DPY19L1: variants seen among roughly 807,000 people sequenced by gnomAD.
DPY19L1 encodes protein C-mannosyl-transferase DPY19L1.
Under a neutral mutation model 96.9 loss-of-function variants are expected in DPY19L1, and 35 were observed. The ratio of observed to expected loss-of-function variants is 0.36; its 90% CI spans 0.28 to 0.48. DPY19L1 has a LOEUF of 0.48. Ranked by LOEUF, DPY19L1 falls within the 20% of genes least tolerant of loss-of-function variation. The pLI is 0.99. For synonymous variants in DPY19L1, 205 were observed against 252.6 expected, an observed-to-expected ratio of 0.81 and a Z score of 1.79; for missense variants, 521 against 777.9, an observed-to-expected ratio of 0.67 and a Z score of 3.93.
At chr7:34,997,850 T>C (rs1217748931) in intron 6 of DPY19L1, among the ~76,000 whole-genome samples, 1 of 152,128 alleles carries the variant, frequency 6.6e-6, no homozygotes, top group African/African-American at 2.4e-5. Flanking sequence ...GGAAAACTAA[T>C]ACAAAACACT....
At chr7:34,984,787 C>CCTAT (rs1403669770) in intron 7 of DPY19L1, among the ~76,000 whole-genome samples, 6 of 150,854 alleles carry the variant, frequency 4.0e-5, no homozygotes, top group African/African-American at 1.5e-4. Flanking sequence ...CCAAATAGAC[C>CCTAT]CTATAATGAC....
chr7:34,965,749 A>G (rs2128666756), intron 10 of DPY19L1, among the ~76,000 whole-genome samples: 1 of 152,336 alleles, frequency 6.6e-6, no homozygotes, highest in South Asian at 2.1e-4. Flanking sequence ...TCAAAATTAT[A>G]AAAACTAATG....
intron 1 of DPY19L1, among the ~76,000 whole-genome samples, chr7:35,034,433 T>C (rs929173653): frequency 6.6e-6 from 1 of 152,256 alleles, no homozygotes; most frequent in Non-Finnish European, 1.5e-5. Flanking sequence ...GTTCTTACTA[T>C]GTCACAGCCA....
chr7:34,972,350 G>A (rs1395833886), intron 8 of DPY19L1, among the ~76,000 whole-genome samples: 1 of 152,152 alleles, frequency 6.6e-6, no homozygotes, highest in Non-Finnish European at 1.5e-5. Flanking sequence ...TGGTACAGAT[G>A]GACTAAAGGA....
chr7:34,949,988 C>T, intron 13 of DPY19L1, 90 bp from the exon 14 acceptor site: 3 of 652,430 alleles, frequency 4.6e-6, no homozygotes, highest in Non-Finnish European at 7.4e-6. Context: ...GTTTTCATTA[C>T]ATTATAGAGC....
intron 1 of DPY19L1, among the ~76,000 whole-genome samples, chr7:35,019,319 T>C (rs1270748461): frequency 6.6e-6 from 1 of 152,152 alleles, no homozygotes; most frequent in African/African-American, 2.4e-5. Context: ...CACATGCCTG[T>C]AGTATCCATT....
intron 6 of DPY19L1, among the ~76,000 whole-genome samples, chr7:34,995,445 C>A (rs1330169586): frequency 6.6e-6 from 1 of 152,076 alleles, no homozygotes; most frequent in East Asian, 1.9e-4. Context: ...TCTCATTCAC[C>A]TAAACCTTGA....
chr7:34,973,575 G>A lies in DPY19L1; in HGVS notation c.853C>T (p.Arg285Cys), dbSNP rs749575072. 9.8e-6 allele frequency: 15 copies of A among 1,530,562 alleles called. No individual in the cohort carries two copies. Among genetic ancestry groups the A allele is most frequent in the East Asian group, 2.4e-5 (1 of 41,586 alleles). 94.8% of individuals were successfully genotyped at this position (1,530,562 alleles called of 1,614,324 possible). ...CTRVMWTPPL[R>C]ESFSYPFLVL... ...AGAAATGGATATGAGAAGCTTTCACGGAGAGGTGGTGTCCACATTACACGG... is the reference window on the plus strand; with the variant it reads ...AGAAATGGATATGAGAAGCTTTCACAGAGAGGTGGTGTCCACATTACACGG... The change falls in exon 8 of 22, where the codon CGT (arginine) becomes TGT (cysteine). Residue 285 changes from arginine (R) to cysteine (C), a missense_variant. Transcript: ENST00000638088.
chr7:34,979,662 G>T (rs947496599), intron 7 of DPY19L1, among the ~76,000 whole-genome samples: 2 of 152,054 alleles, frequency 1.3e-5, no homozygotes, highest in African/African-American at 4.8e-5. Flanking sequence ...GAAAGGAAGT[G>T]TTCAGACACC....
chr7:35,027,668 T>TAAAAAGAAAAAAAAAAAAAA (rs1786158346), intron 1 of DPY19L1, among the ~76,000 whole-genome samples: 1 of 71,410 alleles, frequency 1.4e-5, no homozygotes, highest in Admixed American at 2.1e-4. Flanking sequence ...CCGTCTCTAC[T>TAAAAAGAAAAAAAAAAAAAA]AAAAAAAAAA....
intron 9 of DPY19L1, 40 bp downstream of exon 9, chr7:34,969,393 C>T (rs192995649): frequency 1.7e-6 from 2 of 1,189,606 alleles, no homozygotes; most frequent in East Asian, 2.8e-5. Flanking sequence ...CATAGTCAAA[C>T]ATGCTAAGCT....
chr7:35,036,952 G>A (rs1786420183), intron 1 of DPY19L1, 145 bp downstream of exon 1: 1 of 156,400 alleles, frequency 6.4e-6, no homozygotes, highest in Non-Finnish European at 1.4e-5. Context: ...AAGTCGGAGA[G>A]GGCTGCAAAC....
intron 21 of DPY19L1, among the ~76,000 whole-genome samples, chr7:34,932,103 G>A (rs1489438135): frequency 6.6e-6 from 1 of 152,158 alleles, no homozygotes; most frequent in Non-Finnish European, 1.5e-5. Flanking sequence ...CCATGACATA[G>A]GTTTGTTGTG....
At chr7:34,937,439 TG>T (rs890091062) in intron 21 of DPY19L1, among the ~76,000 whole-genome samples, 3 of 152,202 alleles carry the variant, frequency 2.0e-5, no homozygotes, top group African/African-American at 7.2e-5. Context: ...TTTCAGACCC[TG>T]GAAGTCTTTT....
chr7:35,012,746 CAT>C, intron 4 of DPY19L1, among the ~76,000 whole-genome samples: 2 of 104,864 alleles, frequency 1.9e-5, no homozygotes, highest in African/African-American at 6.3e-5. Flanking sequence ...AATACATAGA[CAT>C]CATACACAAA....
Position 35,036,001 on chromosome 7 carries a change from TG to T in DPY19L1, c.298+1095del, listed in dbSNP as rs199698460. On this transcript the variant is annotated intron_variant, in intron 1 of 21. Transcript: ENST00000638088. Reference sequence around the variant, plus strand: ...GGTTTTTCTAGGCTTGAATCGGCAATGGGGGGAAAAAAAGTACCCTAGGAAC... The same window carrying T: ...GGTTTTTCTAGGCTTGAATCGGCAATGGGGGAAAAAAAGTACCCTAGGAAC... 2.4e-3 allele frequency among the ~76,000 whole-genome samples: 359 copies of T among 150,490 alleles called. 4 individuals carry two copies. Among genetic ancestry groups the T allele is most frequent in the Middle Eastern group, 3.4e-3 (1 of 292 alleles).
chr7:34,949,073 ATAAT>A (rs1279441609), intron 14 of DPY19L1, among the ~76,000 whole-genome samples: 4 of 152,236 alleles, frequency 2.6e-5, no homozygotes, highest in South Asian at 2.1e-4. Flanking sequence ...CACAGATAAT[ATAAT>A]TAATCAGTAC....
intron 6 of DPY19L1, among the ~76,000 whole-genome samples, chr7:34,994,828 C>T (rs1364469999): frequency 2.6e-5 from 4 of 151,976 alleles, no homozygotes. Flanking sequence ...ATCCAATTCC[C>T]CGACCAAATC....
chr7:35,013,776 A>G (rs1197215126), intron 3 of DPY19L1, 71 bp from the exon 4 acceptor site: 4 of 1,265,342 alleles, frequency 3.2e-6, no homozygotes, highest in Non-Finnish European at 4.3e-6. Flanking sequence ...AAGTAAATAC[A>G]CTGTTTTTGA....
Sources: gnomAD v4.1 joint callset for allele counts (sites outside exome capture counted in the v4.1 genomes callset) on GRCh38, gnomAD v4.1.1 for gene constraint, MANE v1.5 for transcripts, NCBI Gene and HGNC (gene_info 2026-07-23, HGNC 2026-07-21) for gene names.